Variants in RAB3GAP2 observed in about 807,000 individuals in gnomAD.
The protein encoded by RAB3GAP2 is RAB3 GTPase activating non-catalytic protein subunit 2.
A neutral mutation model predicts 185.3 loss-of-function variants in RAB3GAP2; 87 were observed. That is an observed-to-expected ratio of 0.47 (90% CI 0.39 to 0.56). The LOEUF (loss-of-function observed/expected upper bound fraction) is 0.56, where lower values mean the gene tolerates loss of function less well. Among genes scored for constraint, RAB3GAP2 ranks in the 20% least tolerant of loss-of-function variants. The pLI is 0.00. For missense variants in RAB3GAP2, 1,492 were observed against 1,638.2 expected, an observed-to-expected ratio of 0.91 and a Z score of 1.54; for synonymous variants, 554 against 576.1, an observed-to-expected ratio of 0.96 and a Z score of 0.55.
intron 17 of RAB3GAP2, among the ~76,000 whole-genome samples, chr1:220,189,105 G>T (rs6669619): frequency 9.2e-5 from 14 of 151,924 alleles, no homozygotes; most frequent in African/African-American, 3.1e-4. Context: ...TGGGACTGAG[G>T]GGGGACACTC....
chr1:220,227,985 T>G (rs1659433717), intron 2 of RAB3GAP2, among the ~76,000 whole-genome samples: 2 of 152,190 alleles, frequency 1.3e-5, no homozygotes, highest in African/African-American at 4.8e-5. Context: ...ACTCCTGACC[T>G]CAAGTGATCT....
chr1:220,242,514 AG>A (rs1307043953), intron 1 of RAB3GAP2, among the ~76,000 whole-genome samples: 1 of 114,246 alleles, frequency 8.8e-6, no homozygotes, highest in Non-Finnish European at 1.7e-5. Flanking sequence ...ATTGAAATGA[AG>A]GTTTCCGTGC....
chr1:220,238,810 C>T (rs1302228560), intron 1 of RAB3GAP2, among the ~76,000 whole-genome samples: 1 of 152,146 alleles, frequency 6.6e-6, no homozygotes, highest in Non-Finnish European at 1.5e-5. Flanking sequence ...GTTTCTTATT[C>T]AGAACTTAAT....
At chr1:220,197,330 T>C (rs761223627) in intron 9 of RAB3GAP2, among the ~76,000 whole-genome samples, 4 of 148,826 alleles carry the variant, frequency 2.7e-5, no homozygotes, top group Non-Finnish European at 6.0e-5. Context: ...CTAAATTTCA[T>C]ATACATATAT....
chr1:220,184,266 CTCTGATGT>C, intron 18 of RAB3GAP2, 103 bp from the exon 19 acceptor site: 1 of 1,121,878 alleles, frequency 8.9e-7, no homozygotes, highest in Non-Finnish European at 1.3e-6. Flanking sequence ...TTCCCTGATG[CTCTGATGT>C]ATTAAATACT....
intron 1 of RAB3GAP2, among the ~76,000 whole-genome samples, chr1:220,250,231 T>C (rs1471875391): frequency 6.6e-6 from 1 of 152,184 alleles, no homozygotes; most frequent in Non-Finnish European, 1.5e-5. Flanking sequence ...AGCTCACCTC[T>C]TGCATGAGTG....
intron 31 of RAB3GAP2, 71 bp from the exon 32 acceptor site, chr1:220,154,128 TA>T: frequency 4.4e-6 from 7 of 1,575,078 alleles, no homozygotes; most frequent in Non-Finnish European, 6.0e-6. Flanking sequence ...AAGATTTGTT[TA>T]AAACTTAATA....
At position 220,150,913 on chromosome 1, in the gene RAB3GAP2, G is replaced by C; in HGVS notation, c.*338C>G. 1 of 276,604 alleles carries C rather than the reference G, an allele frequency of 3.6e-6. No homozygotes were observed. Among genetic ancestry groups the C allele is most frequent in the Non-Finnish European group, 6.9e-6 (1 of 145,864 alleles). The allele number at this position is 276,604 out of a possible 1,614,324, so 17.1% of individuals were successfully genotyped here. On this transcript the variant is annotated 3_prime_UTR_variant, in exon 35 of 35. Transcript: ENST00000358951. ...AACAACATTTTAGATAGGAAATATA[G>C]AATCTTATAAGAACATAATCTAAAT...
At chr1:220,237,023 C>G (rs573241762) in intron 1 of RAB3GAP2, among the ~76,000 whole-genome samples, 1 of 152,216 alleles carries the variant, frequency 6.6e-6, no homozygotes, top group South Asian at 2.1e-4. Flanking sequence ...AAATGGCTCA[C>G]CATGATTGTT....
intron 1 of RAB3GAP2, among the ~76,000 whole-genome samples, chr1:220,253,357 G>A (rs1456728769): frequency 2.6e-5 from 4 of 152,216 alleles, no homozygotes; most frequent in African/African-American, 9.7e-5. Context: ...CCAGGTACAG[G>A]AGAAACTGAG....
chr1:220,183,810 A>G (rs1273228220), intron 19 of RAB3GAP2, among the ~76,000 whole-genome samples: 1 of 152,174 alleles, frequency 6.6e-6, no homozygotes, highest in East Asian at 1.9e-4. Context: ...GTACAAAAAC[A>G]TATCATGGCT....
chr1:220,157,689 A>AAATG lies in RAB3GAP2; in HGVS notation c.3336+109_3336+112dup, dbSNP rs1207714323. Reference sequence around the variant, plus strand: ...CTTCTGGGCTCAAGTCAAAATTTAGAAATGAATGAATGAAAAACAACCTCA... The same window carrying AAATG: ...CTTCTGGGCTCAAGTCAAAATTTAGAAATGAATGAATGAATGAAAAACAACCTCA... On this transcript the variant is annotated intron_variant, in intron 30 of 34. Coordinates refer to ENST00000358951, the MANE Select transcript of RAB3GAP2 (RefSeq NM_012414.4). 8.9e-6 allele frequency: 10 copies of AAATG among 1,119,882 alleles called. No homozygotes were observed. In the Admixed American group the frequency reaches 1.0e-4, roughly 11 times the overall value. 69.4% of individuals were successfully genotyped at this position (1,119,882 alleles called of 1,614,324 possible).
chr1:220,151,627 C>G lies in RAB3GAP2; in HGVS notation c.4005G>C (p.Leu1335=). Residue 1335 remains leucine, a synonymous_variant, in exon 34 of 35, where the codon CTG becomes CTC. Transcript: ENST00000358951. ...TGACCATTGCTTTCAGCCAAGTACACAGTGTGGGTGGAAGTCTGGCAAGCA... is the reference window on the plus strand; with the variant it reads ...TGACCATTGCTTTCAGCCAAGTACAGAGTGTGGGTGGAAGTCTGGCAAGCA... ...MELLARLPPT[L]CTWLKAMDPQ... is the part of the protein sequence containing the mutation. The G allele has an allele frequency of 6.2e-7, 1 of 1,612,036 alleles. No homozygotes were observed. Among genetic ancestry groups the G allele is most frequent in the Non-Finnish European group, 8.5e-7 (1 of 1,178,090 alleles).
At chr1:220,246,341 C>T (rs1659815158) in intron 1 of RAB3GAP2, among the ~76,000 whole-genome samples, 1 of 150,702 alleles carries the variant, frequency 6.6e-6, no homozygotes, top group African/African-American at 2.4e-5. Flanking sequence ...ACTAGTTCAA[C>T]CATTGTGGAA....
chr1:220,245,171 T>A (rs1055778745), intron 1 of RAB3GAP2, among the ~76,000 whole-genome samples: 32 of 151,052 alleles, frequency 2.1e-4, no homozygotes, highest in African/African-American at 7.5e-4. Flanking sequence ...GGAGCCAAGA[T>A]GGCCGAATAG....
intron 2 of RAB3GAP2, among the ~76,000 whole-genome samples, chr1:220,221,620 G>T (rs372977283): frequency 4.7e-4 from 71 of 152,072 alleles, no homozygotes; most frequent in Middle Eastern, 6.8e-3. Flanking sequence ...AATTTTTTTT[G>T]AATTAAGACC....
intron 21 of RAB3GAP2, among the ~76,000 whole-genome samples, chr1:220,176,741 T>A (rs1455223086): frequency 2.6e-5 from 4 of 152,028 alleles, no homozygotes; most frequent in Admixed American, 2.6e-4. Context: ...CCAACCTCTA[T>A]CTCACAGCAG....
chr1:220,211,442 C>G, intron 4 of RAB3GAP2: 1 of 457,158 alleles, frequency 2.2e-6, no homozygotes. Flanking sequence ...AACTGCCAGT[C>G]ACGTTACATG....
intron 18 of RAB3GAP2, among the ~76,000 whole-genome samples, chr1:220,185,366 T>G (rs1658489500): frequency 6.6e-6 from 1 of 152,150 alleles, no homozygotes; most frequent in African/African-American, 2.4e-5. Flanking sequence ...TGATAGAACA[T>G]TAATACAAAG....
Sources: gnomAD v4.1 joint callset for allele counts (sites outside exome capture counted in the v4.1 genomes callset) on GRCh38, gnomAD v4.1.1 for gene constraint, MANE v1.5 for transcripts, NCBI Gene and HGNC (gene_info 2026-07-23, HGNC 2026-07-21) for gene names.